Variants in SEC31B observed in about 807,000 individuals in gnomAD.
SEC31B encodes protein transport protein Sec31B.
SEC31B carries 113 observed loss-of-function variants against 135.0 expected under a neutral mutation model. The ratio of observed to expected loss-of-function variants is 0.84; its 90% confidence interval spans 0.72 to 0.98. SEC31B has a LOEUF of 0.98. SEC31B is among the 50% of genes least tolerant of loss of function. The pLI is 0.00. For synonymous variants in SEC31B, 508 were observed against 549.4 expected (o/e 0.92, Z 1.05); for missense variants, 1,296 against 1,421.1 (o/e 0.91, Z 1.42).
intron 3 of SEC31B, among the ~76,000 whole-genome samples, chr10:100,510,651 C>G (rs147302778): frequency 1.3e-5 from 2 of 152,176 alleles, no homozygotes; most frequent in Non-Finnish European, 2.9e-5. Flanking sequence ...ATATTCCCTG[C>G]GAACAGTCAG....
intron 3 of SEC31B, among the ~76,000 whole-genome samples, chr10:100,511,391 C>T (rs907610968): frequency 1.7e-4 from 26 of 152,292 alleles, no homozygotes; most frequent in African/African-American, 4.6e-4. Flanking sequence ...CAAATGAAAA[C>T]GGGAACAAGA....
rs1380502275 is a variant in SEC31B, at chr10:100,497,198, A to G, written c.2073T>C (p.Ser691=). The G allele has an allele frequency of 3.1e-6, 5 of 1,614,054 alleles. No individual in the cohort carries two copies. The highest frequency in any genetic ancestry group is 4.2e-6 in the Non-Finnish European group (5 of 1,179,992). The part of the protein sequence containing the change: ...EARLCYVCSG[S]VERLVECWAK... ...CCCAGCACTCCACCAGCCGCTCCAC[A>G]CTCCCTGAGCACACATAACAGAGTC... Residue 691 remains serine (S), a synonymous_variant, in exon 17 of 26, where the codon AGT becomes AGC. Transcript: ENST00000370345.
In SEC31B at chr10:100,495,541, T is replaced by A. The variant is rs746976605; in HGVS notation, c.2316A>T (p.Pro772=). The A allele has an allele frequency of 6.2e-7, 1 of 1,612,622 alleles. No individual in the cohort carries two copies. The highest frequency in any genetic ancestry group is 2.2e-5 in the East Asian group (1 of 44,866). ...AAAGCCGATCTCTTAGCTGCTGAAC[T>A]GGTGGCTATAAGTTTTAATGAGGAA... ...SFLPRDCAQP[P]VQQLRDRLFH... is the part of the protein sequence containing the mutation. Residue 772 remains proline (P), a synonymous_variant, in exon 19 of 26, where the codon CCA becomes CCT. Coordinates refer to ENST00000370345, the MANE Select transcript of SEC31B (RefSeq NM_015490.4).
At position 100,502,331 on chromosome 10, in the gene SEC31B, T is replaced by C. The variant is rs771674347; in HGVS notation, c.1333A>G (p.Asn445Asp). 1.9e-6 allele frequency: 3 copies of C among 1,614,064 alleles called. No homozygotes were observed. The African/African-American group carries it at 4.0e-5, about 22-fold the overall frequency. Residue 445 changes from asparagine (N) to aspartate (D), a missense_variant, in exon 11 of 26, where the codon AAT becomes GAT. Physicochemically the swap from Asn to Asp is conservative, Grantham distance 23. Coordinates refer to ENST00000370345, the MANE Select transcript of SEC31B (RefSeq NM_015490.4). ...AELQEALGSGNLLNYCQNKSQ... is the reference protein window; with the variant it reads ...AELQEALGSGDLLNYCQNKSQ... ...TTGTTCTGACAGTAATTCAGTAGATTTCCTGATCCCAAGGCCTCCTGCAGC... is the reference window on the plus strand; with the variant it reads ...TTGTTCTGACAGTAATTCAGTAGATCTCCTGATCCCAAGGCCTCCTGCAGC...
intron 3 of SEC31B, among the ~76,000 whole-genome samples, chr10:100,514,820 A>G (rs1047022054): frequency 6.6e-6 from 1 of 152,078 alleles, no homozygotes; most frequent in Non-Finnish European, 1.5e-5. Flanking sequence ...TATTAGTAGT[A>G]TAACAAAAAA....
intron 23 of SEC31B, 110 bp from the exon 24 acceptor site, chr10:100,489,084 A>G (rs1046155651): frequency 6.7e-7 from 1 of 1,486,086 alleles, no homozygotes; most frequent in Admixed American, 2.5e-5. Context: ...CCATTACAGC[A>G]GAGTTGGGGA....
chr10:100,496,751 C>T (rs1443105547), intron 17 of SEC31B, among the ~76,000 whole-genome samples: 1 of 152,224 alleles, frequency 6.6e-6, no homozygotes, highest in African/African-American at 2.4e-5. Flanking sequence ...CTAATTGTTT[C>T]ATGTGCGACT....
intron 11 of SEC31B, among the ~76,000 whole-genome samples, chr10:100,501,193 C>T (rs1298961709): frequency 6.6e-6 from 1 of 151,980 alleles, no homozygotes; most frequent in African/African-American, 2.4e-5. Flanking sequence ...TGCAGTAAGC[C>T]AAGATCATGC....
Position 100,488,945 on chromosome 10 carries a change from T to C in SEC31B, c.3201A>G (p.Glu1067=). 6.2e-7 allele frequency: 1 copy of C among 1,611,086 alleles called. No individual in the cohort carries two copies. Among genetic ancestry groups the C allele is most frequent in the Non-Finnish European group, 8.5e-7 (1 of 1,179,016 alleles). ...GATGCTCTGGGGGCAGCTCCTTCCT[T>C]TCCATCTTCTCAGGTGGCAGGTGCT... ...QLQHLPPEKM[E]RKELPPEHQS... The change falls in exon 24 of 26, where the codon GAA becomes GAG. Residue 1067 remains glutamate (E), a synonymous_variant. Transcript: ENST00000370345.
At position 100,490,957 on chromosome 10, in the gene SEC31B, G is replaced by A; in HGVS notation, c.2473-74C>T. On this transcript the variant is annotated intron_variant, in intron 19 of 25. Transcript: ENST00000370345. The stretch of plus-strand genomic sequence containing the variant: ...AATAATAGAAAACAGAAAAATAATA[G>A]GGAAAATTAATGAAACAAAAACTAG... 3.6e-6 allele frequency: 4 copies of A among 1,121,482 alleles called. No individual in the cohort carries two copies. The African/African-American group carries it at 4.8e-5, about 13-fold the overall frequency. The allele number at this position is 1,121,482 out of a possible 1,614,324, so 69.5% of individuals were successfully genotyped here. A position where few individuals can be genotyped will look rare whatever the true frequency, so the allele number is the denominator to read the frequency against.
chr10:100,519,604 T>C (rs1851915506), intron 1 of SEC31B, among the ~76,000 whole-genome samples, 178 bp downstream of exon 1: 1 of 152,160 alleles, frequency 6.6e-6, no homozygotes. Flanking sequence ...CCGGATCCAA[T>C]TCAAGGGTAG....
intron 7 of SEC31B, among the ~76,000 whole-genome samples, chr10:100,507,150 G>C (rs1851647790): frequency 6.6e-6 from 1 of 152,168 alleles, no homozygotes; most frequent in South Asian, 2.1e-4. Context: ...TCAGAGCCTG[G>C]AGGCTAAACA....
intron 11 of SEC31B, 90 bp downstream of exon 11, chr10:100,502,164 G>A: frequency 2.1e-6 from 2 of 960,754 alleles, no homozygotes; most frequent in Admixed American, 1.9e-5. Context: ...CTGGGTCCCA[G>A]TGTGCTTGTG....
intron 5 of SEC31B, 40 bp from the exon 6 acceptor site, chr10:100,508,091 C>T: frequency 1.2e-6 from 2 of 1,611,244 alleles, no homozygotes; most frequent in Non-Finnish European, 1.7e-6. Context: ...AACTTGTCAC[C>T]CCCTGGACAA....
intron 24 of SEC31B, 148 bp from the exon 25 acceptor site, chr10:100,488,246 T>A: frequency 1.5e-6 from 1 of 659,074 alleles, no homozygotes; most frequent in Non-Finnish European, 2.7e-6. Flanking sequence ...GATCATGAGG[T>A]CAGGAGATGG....
chr10:100,506,248 A>G, intron 8 of SEC31B, 47 bp from the exon 9 acceptor site: 2 of 1,613,956 alleles, frequency 1.2e-6, no homozygotes, highest in Non-Finnish European at 1.7e-6. Flanking sequence ...GAAACCCAAA[A>G]CACATGGCTG....
At chr10:100,504,013 C>T (rs1851578615) in intron 10 of SEC31B, among the ~76,000 whole-genome samples, 1 of 152,154 alleles carries the variant, frequency 6.6e-6, no homozygotes, top group African/African-American at 2.4e-5. Flanking sequence ...ACCATTTTAA[C>T]TTTTGATTTA....
In SEC31B at chr10:100,489,331, T is replaced by C. The variant is rs750563008; in HGVS notation, c.3092A>G (p.Gln1031Arg). 1 of 1,613,880 alleles carries C rather than the reference T, an allele frequency of 6.2e-7. No homozygotes were observed. The highest frequency in any genetic ancestry group is 2.2e-5 in the East Asian group (1 of 44,878). Reference sequence around the variant, plus strand: ...AGGGGGCTGTGAGGGAAGAATCCCTTGTAGCTCAGGGGTGAGGCTCATAAC... The same window carrying C: ...AGGGGGCTGTGAGGGAAGAATCCCTCGTAGCTCAGGGGTGAGGCTCATAAC... ...APVMSLTPELQGILPSQPPVS... is the reference protein window; with the variant it reads ...APVMSLTPELRGILPSQPPVS... The change falls in exon 23 of 26, where the codon CAA (glutamine) becomes CGA (arginine). Residue 1031 changes from glutamine to arginine, a missense_variant. Coordinates refer to ENST00000370345, the MANE Select transcript of SEC31B (RefSeq NM_015490.4).
In SEC31B at chr10:100,516,133, C is replaced by T. The variant is rs1296972145; in HGVS notation, c.166G>A (p.Asp56Asn). ...GAAAGGACTCCTCTGTGTTTCAAGT[C>T]CAGAGAAGGGTCCCTGAAATCAACC... ...FEVDFRDPSL[D>N]LKHRGVLSAL... The change falls in exon 3 of 26, where the codon GAC becomes AAC. Residue 56 changes from aspartate (D) to asparagine (N), a missense_variant. By Grantham distance (23) the Asp-to-Asn change is conservative. Coordinates refer to ENST00000370345, the MANE Select transcript of SEC31B (RefSeq NM_015490.4). 1.9e-6 allele frequency: 3 copies of T among 1,614,028 alleles called. No homozygotes were observed. The Admixed American group carries it at 5.0e-5, about 27-fold the overall frequency.
Sources: gnomAD v4.1 joint callset for allele counts (sites outside exome capture counted in the v4.1 genomes callset) on GRCh38, gnomAD v4.1.1 for gene constraint, MANE v1.5 for transcripts, NCBI Gene and HGNC (gene_info 2026-07-23, HGNC 2026-07-21) for gene names.